Variants in PLCG1 observed in about 807,000 individuals in gnomAD.
PLCG1 encodes the protein phospholipase C gamma 1.
PLCG1 carries 71 observed loss-of-function variants against 177.8 expected under a neutral mutation model. That is an observed-to-expected ratio of 0.40 (90% confidence interval 0.33 to 0.49). The LOEUF is 0.49. Among genes scored for constraint, PLCG1 ranks in the 20% least tolerant of loss-of-function variants. The pLI, the probability that PLCG1 is intolerant of heterozygous loss-of-function variation, is 0.72. For synonymous variants in PLCG1, 658 were observed against 647.9 expected (o/e 1.02, Z -0.24); for missense variants, 1,281 against 1,709.0 (o/e 0.75, Z 4.42).
chr20:41,162,830 T>A lies in PLCG1; in HGVS notation c.681+105T>A, dbSNP rs973168023. 3 of 1,337,168 alleles carry A rather than the reference T, an allele frequency of 2.2e-6. No individual in the cohort carries two copies. The African/African-American group carries it at 4.3e-5, about 19-fold the overall frequency. 82.8% of individuals were successfully genotyped at this position (1,337,168 alleles called of 1,614,324 possible). A position where few individuals can be genotyped will look rare whatever the true frequency, so the allele number is the denominator to read the frequency against. On this transcript the variant is annotated intron_variant, in intron 6 of 31. Transcript: ENST00000685551. ...GCTGCCCTGCTTAGGGGCTTTTGGGTGCCATTTCTCCAGTTCTTCTCCTCT... is the reference window on the plus strand; with the variant it reads ...GCTGCCCTGCTTAGGGGCTTTTGGGAGCCATTTCTCCAGTTCTTCTCCTCT...
In PLCG1 at chr20:41,146,332, T is replaced by C. The variant is rs2034993749; in HGVS notation, c.217+8474T>C. 1.3e-5 allele frequency among the ~76,000 whole-genome samples: 2 copies of C among 152,246 alleles called. No homozygotes were observed. The highest frequency in any genetic ancestry group is 4.1e-4 in the South Asian group (2 of 4,836). ...CAGGAGACAGCTGTGCCTAAAGTGCTGTAGGCTGGGCCTGAGGGCCAAGAT... is the reference window on the plus strand; with the variant it reads ...CAGGAGACAGCTGTGCCTAAAGTGCCGTAGGCTGGGCCTGAGGGCCAAGAT... On this transcript the variant is annotated intron_variant, in intron 1 of 31. Coordinates refer to ENST00000685551, the MANE Select transcript of PLCG1 (RefSeq NM_002660.3). This position sits in a 1 kb window ranked among gnomAD's most constrained non-coding sequence, Gnocchi z 6.3.
chr20:41,168,979 G>C (rs1220281632), intron 21 of PLCG1, 100 bp from the exon 22 acceptor site: 1 of 1,177,364 alleles, frequency 8.5e-7, no homozygotes, highest in South Asian at 1.2e-5. Flanking sequence ...AGCAGTGCCT[G>C]CCTCACCCTG....
intron 1 of PLCG1, 180 bp downstream of exon 1, chr20:41,138,038 C>G: frequency 2.5e-6 from 1 of 399,898 alleles, no homozygotes; most frequent in Non-Finnish European, 4.4e-6. Context: ...GGGGGGCATC[C>G]GGGTCCTCGG....
chr20:41,143,135 T>C (rs1282933502), intron 1 of PLCG1, among the ~76,000 whole-genome samples: 1 of 152,198 alleles, frequency 6.6e-6, no homozygotes, highest in Admixed American at 6.5e-5. Flanking sequence ...TATGATATTG[T>C]CCTATTTCTA....
rs749487985 is a variant in PLCG1 at position 41,167,938 on chromosome 20, C to T, written c.2379+9C>T. The T allele has an allele frequency of 6.2e-7, 1 of 1,604,030 alleles. No homozygotes were observed. ...CTATGCCAACTTTCAAGGTACAGCT[C>T]AGGCCTCTGGGCATAGGAAGCTGGG... On this transcript the variant is annotated intron_variant, in intron 20 of 31. Coordinates refer to ENST00000685551, the MANE Select transcript of PLCG1 (RefSeq NM_002660.3). This position sits in a 1 kb window ranked among gnomAD's most constrained non-coding sequence, Gnocchi z 4.4.
At chr20:41,142,467 G>A (rs2034860914) in intron 1 of PLCG1, among the ~76,000 whole-genome samples, 1 of 152,230 alleles carries the variant, frequency 6.6e-6, no homozygotes, top group South Asian at 2.1e-4. Context: ...AGGTGTTGGG[G>A]AGGGAGGCCA....
At chr20:41,162,238 T>TTTG in intron 4 of PLCG1, 1 of 245,246 alleles carries the variant, frequency 4.1e-6, no homozygotes, top group Non-Finnish European at 7.6e-6. Context: ...TGTTTTTGTT[T>TTTG]TTTTTTTTTT....
chr20:41,174,285 A>G lies in PLCG1; in HGVS notation c.3807A>G (p.Ala1269=), dbSNP rs1303872417. ...EDFRISQEHL[A]DHFDSRERRA... ...TCCGCATCTCCCAGGAGCATCTCGCAGACCATTTTGACAGTCGAGAACGAA... is the reference window on the plus strand; with the variant it reads ...TCCGCATCTCCCAGGAGCATCTCGCGGACCATTTTGACAGTCGAGAACGAA... The change falls in exon 31 of 32, where the codon GCA becomes GCG. Residue 1269 remains alanine (A), a synonymous_variant. Coordinates refer to ENST00000685551, the MANE Select transcript of PLCG1 (RefSeq NM_002660.3). The surrounding 1 kb of genome is among the most constrained non-coding windows in gnomAD (Gnocchi z 5.8). 1.2e-6 allele frequency: 2 copies of G among 1,614,226 alleles called. No individual in the cohort carries two copies. Among genetic ancestry groups the G allele is most frequent in the Non-Finnish European group, 1.7e-6 (2 of 1,180,022 alleles).
intron 4 of PLCG1, among the ~76,000 whole-genome samples, chr20:41,162,216 TTTTG>T (rs1225361209): frequency 6.7e-6 from 1 of 149,584 alleles, no homozygotes; most frequent in Non-Finnish European, 1.5e-5. Flanking sequence ...TACAGGTTTT[TTTTG>T]TTTGTTTTGT....
Position 41,169,026 on chromosome 20 carries a change from C to G in PLCG1, c.2484-53C>G, listed in dbSNP as rs1398967946. On this transcript the variant is annotated intron_variant, in intron 21 of 31. Transcript: ENST00000685551. ...GGAACCCCTACCAAAGGATACCCTCCTCATGGGAGTTCGGGGTGGTTGCTG... is the reference window on the plus strand; with the variant it reads ...GGAACCCCTACCAAAGGATACCCTCGTCATGGGAGTTCGGGGTGGTTGCTG... 3.5e-6 allele frequency: 5 copies of G among 1,424,392 alleles called. No homozygotes were observed. In the South Asian group the frequency reaches 5.7e-5, roughly 16 times the overall value. The allele number at this position is 1,424,392 out of a possible 1,614,324, so 88.2% of individuals were successfully genotyped here.
chr20:41,152,130 G>A (rs1163698130), intron 1 of PLCG1, among the ~76,000 whole-genome samples: 3 of 152,100 alleles, frequency 2.0e-5, no homozygotes, highest in Non-Finnish European at 2.9e-5. Context: ...GTATGGGAGT[G>A]GGGAACTGGG....
chr20:41,162,688 A>C lies in PLCG1; in HGVS notation c.644A>C (p.Gln215Pro), dbSNP rs1287409920. 6.2e-7 allele frequency: 1 copy of C among 1,613,992 alleles called. No individual in the cohort carries two copies. Reference protein sequence around the residue: ...SGDITYGQFAQLYRSLMYSAQ... With the variant: ...SGDITYGQFAPLYRSLMYSAQ... ...GACATCACCTACGGGCAGTTTGCTC[A>C]GCTGTACCGCAGCCTCATGTACAGC... Residue 215 changes from glutamine (Q) to proline (P), a missense_variant, in exon 6 of 32, where the codon CAG becomes CCG. Physicochemically the swap from Gln to Pro is moderately conservative, Grantham distance 76. Transcript: ENST00000685551.
intron 1 of PLCG1, among the ~76,000 whole-genome samples, chr20:41,154,001 C>T (rs148496067): frequency 5.9e-5 from 9 of 152,132 alleles, no homozygotes; most frequent in African/African-American, 1.9e-4. Flanking sequence ...GTTTAGTTTT[C>T]AATATGTCCT....
chr20:41,175,277 G>A lies in PLCG1; in HGVS notation c.*768G>A, dbSNP rs961954076. On this transcript the variant is annotated 3_prime_UTR_variant, in exon 32 of 32. Transcript: ENST00000685551. ...GTGTTAAGAGGACTTAGTTTGTGAT[G>A]TAAGGCACTGTCAGGAATGGGGGGC... 1.4e-5 allele frequency: 2 copies of A among 144,508 alleles called. No homozygotes were observed. The highest frequency in any genetic ancestry group is 3.1e-5 in the Non-Finnish European group (2 of 65,548). 9.0% of individuals were successfully genotyped at this position (144,508 alleles called of 1,614,324 possible). A position where few individuals can be genotyped will look rare whatever the true frequency, so the allele number is the denominator to read the frequency against.
rs1215879796 is a variant in PLCG1 at position 41,156,209 on chromosome 20, A to G, written c.218-3397A>G. On this transcript the variant is annotated intron_variant, in intron 1 of 31. Transcript: ENST00000685551. This position sits in a 1 kb window ranked among gnomAD's most constrained non-coding sequence, Gnocchi z 5.0. ...GTTTGTGAGCGATTCAATATAAGGG[A>G]CTAAATCCCCCTCACTGCCCCAAGC... Among the ~76,000 whole-genome samples the G allele has an allele frequency of 2.6e-5, 4 of 152,230 alleles. No individual in the cohort carries two copies. Among genetic ancestry groups the G allele is most frequent in the Non-Finnish European group, 4.4e-5 (3 of 68,032 alleles).
Position 41,171,156 on chromosome 20 carries a change from G to A in PLCG1, c.2808+887G>A, listed in dbSNP as rs941441096. On this transcript the variant is annotated intron_variant, in intron 24 of 31. Coordinates refer to ENST00000685551, the MANE Select transcript of PLCG1 (RefSeq NM_002660.3). The stretch of plus-strand genomic sequence containing the variant: ...TAGATGGGTCTGTAGCTGCTTTGGA[G>A]AGGGCACCCGCAAGCCAAATAGAGA... Among the ~76,000 whole-genome samples, 45 of 152,208 alleles carry A rather than the reference G, an allele frequency of 3.0e-4. 1 individual carries two copies. The highest frequency in any genetic ancestry group is 2.9e-3 in the Admixed American group (44 of 15,290).
Position 41,137,739 on chromosome 20 carries a change from C to T in PLCG1, c.98C>T (p.Thr33Ile). The T allele has an allele frequency of 7.6e-7, 1 of 1,321,070 alleles. No individual in the cohort carries two copies. Among genetic ancestry groups the T allele is most frequent in the Non-Finnish European group, 9.7e-7 (1 of 1,030,232 alleles). The allele number at this position is 1,321,070 out of a possible 1,614,324, so 81.8% of individuals were successfully genotyped here. Residue 33 changes from threonine (T) to isoleucine (I), a missense_variant, in exon 1 of 32, where the codon ACC (threonine) becomes ATC (isoleucine). This residue lies in a region of PLCG1 where 374 missense variants were observed against 443.8 expected (regional missense o/e 0.84). Transcript: ENST00000685551. The surrounding 1 kb of genome is among the most constrained non-coding windows in gnomAD (Gnocchi z 7.3). The stretch of plus-strand genomic sequence containing the variant: ...CTCTGCCGCAGCCTCGAGGTGGGCA[C>T]CGTCATGACTTTGTTCTACTCCAAG... ...LHLCRSLEVG[T>I]VMTLFYSKKS...
chr20:41,157,170 T>G lies in PLCG1; in HGVS notation c.218-2436T>G, dbSNP rs1320157924. On this transcript the variant is annotated intron_variant, in intron 1 of 31. Coordinates refer to ENST00000685551, the MANE Select transcript of PLCG1 (RefSeq NM_002660.3). The surrounding 1 kb of genome is among the most constrained non-coding windows in gnomAD (Gnocchi z 5.4). ...CTGTTCTGCCTTCAACTGATCTCAA[T>G]GGAAATATGTGCAGGAGTGCAGGCC... is the stretch of plus-strand genomic sequence containing the variant. Among the ~76,000 whole-genome samples, 4 of 151,262 alleles carry G rather than the reference T, an allele frequency of 2.6e-5. No homozygotes were observed. Among genetic ancestry groups the G allele is most frequent in the African/African-American group, 7.4e-5 (3 of 40,812 alleles).
chr20:41,149,387 G>A (rs1041448803), intron 1 of PLCG1, among the ~76,000 whole-genome samples: 1 of 152,184 alleles, frequency 6.6e-6, no homozygotes, highest in Admixed American at 6.5e-5. Flanking sequence ...ATTGGGGGCT[G>A]GTGAGAGAAA....
Sources: gnomAD v4.1 joint callset for allele counts (sites outside exome capture counted in the v4.1 genomes callset) on GRCh38, gnomAD v4.1.1 for gene constraint, gnomAD v4.1.1 regional missense constraint, Gnocchi (gnomAD v3.1) non-coding constraint, MANE v1.5 for transcripts, NCBI Gene and HGNC (gene_info 2026-07-23, HGNC 2026-07-21) for gene names.